SEPTIN9: variants seen among roughly 807,000 people sequenced by gnomAD.
SEPTIN9 encodes the protein septin 9.
SEPTIN9 carries 13 observed loss-of-function variants against 56.6 expected under a neutral mutation model. That is an observed-to-expected ratio of 0.23 (90% CI 0.15 to 0.37). SEPTIN9 has a LOEUF of 0.37. Among genes scored for constraint, SEPTIN9 ranks in the 10% least tolerant of loss-of-function variants. SEPTIN9 has a pLI of 1.00. For synonymous variants in SEPTIN9, 332 were observed against 334.1 expected (o/e 0.99, Z 0.07); for missense variants, 650 against 823.1 (o/e 0.79, Z 2.57).
At chr17:77,383,726 G>A (rs1008992889) in intron 2 of SEPTIN9, among the ~76,000 whole-genome samples, 4 of 152,310 alleles carry the variant, frequency 2.6e-5, no homozygotes, top group East Asian at 1.9e-4. Context: ...GGGGCTGAGC[G>A]AGGTGTCAGC....
Position 77,326,298 on chromosome 17 carries a change from C to T in SEPTIN9, c.76+19101C>T, listed in dbSNP as rs2033137853. Among the ~76,000 whole-genome samples the T allele has an allele frequency of 6.6e-6, 1 of 152,260 alleles. No individual in the cohort carries two copies. The highest frequency in any genetic ancestry group is 1.5e-5 in the Non-Finnish European group (1 of 68,042). On this transcript the variant is annotated intron_variant, in intron 2 of 11. Coordinates refer to ENST00000427177, the MANE Select transcript of SEPTIN9 (RefSeq NM_001113491.2). This position sits in a 1 kb window ranked among gnomAD's most constrained non-coding sequence, Gnocchi z 5.1. ...GACAAAGCCAGACACAGTCCTTGCC[C>T]TCATGGGACTGCACAAGTGCAAGAC...
At position 77,281,564 on chromosome 17, in the gene SEPTIN9, G is replaced by A. The variant is rs750619612; in HGVS notation, c.19+10G>A. On this transcript the variant is annotated intron_variant, in intron 1 of 11. Coordinates refer to ENST00000427177, the MANE Select transcript of SEPTIN9 (RefSeq NM_001113491.2). ...AAGAAGTCTTACTCAGGTGGGCTTC[G>A]CGCCCGGGGTGGGGAGGGGTCGGTG... is the stretch of plus-strand genomic sequence containing the variant. The A allele has an allele frequency of 3.2e-6, 5 of 1,539,882 alleles. No homozygotes were observed. Among genetic ancestry groups the A allele is most frequent in the East Asian group, 2.5e-5 (1 of 39,300 alleles).
intron 2 of SEPTIN9, chr17:77,373,216 C>T (rs2034780490): frequency 2.7e-6 from 3 of 1,099,580 alleles, no homozygotes; most frequent in Non-Finnish European, 3.3e-6. Flanking sequence ...GACAGGCGGG[C>T]GGAGCAGCCA....
intron 2 of SEPTIN9, among the ~76,000 whole-genome samples, chr17:77,363,460 T>C (rs2034482739): frequency 7.4e-6 from 1 of 134,782 alleles, no homozygotes; most frequent in Non-Finnish European, 1.5e-5. Flanking sequence ...TAATCTTGGC[T>C]CACTACCACC....
At chr17:77,291,356 T>A (rs961733334) in intron 1 of SEPTIN9, among the ~76,000 whole-genome samples, 3 of 150,280 alleles carry the variant, frequency 2.0e-5, no homozygotes, top group Middle Eastern at 3.4e-3. Flanking sequence ...TTTTAAAAAA[T>A]TTTTGTAGCA....
At chr17:77,423,119 T>G (rs1372324968) in intron 3 of SEPTIN9, among the ~76,000 whole-genome samples, 2 of 152,066 alleles carry the variant, frequency 1.3e-5, no homozygotes, top group African/African-American at 4.8e-5. Context: ...CATGGCAACC[T>G]CCACCTCCAG....
At chr17:77,418,101 G>A (rs2036567395) in intron 3 of SEPTIN9, among the ~76,000 whole-genome samples, 1 of 152,158 alleles carries the variant, frequency 6.6e-6, no homozygotes, top group Non-Finnish European at 1.5e-5. Context: ...GCACCTTACA[G>A]CCCCTTGACA....
At chr17:77,441,808 G>C (rs1284883050) in intron 3 of SEPTIN9, among the ~76,000 whole-genome samples, 2 of 152,310 alleles carry the variant, frequency 1.3e-5, no homozygotes, top group East Asian at 3.9e-4. Flanking sequence ...TACCAGACCT[G>C]ACCCTCCTTT....
intron 3 of SEPTIN9, among the ~76,000 whole-genome samples, chr17:77,424,136 T>A (rs1220657798): frequency 6.6e-6 from 1 of 152,258 alleles, no homozygotes; most frequent in African/African-American, 2.4e-5. Context: ...CTCCAGGCGC[T>A]GGGCTCGAAG....
chr17:77,448,333 G>A (rs767718157), intron 3 of SEPTIN9, among the ~76,000 whole-genome samples: 7 of 152,160 alleles, frequency 4.6e-5, no homozygotes, highest in Middle Eastern at 3.4e-3. Flanking sequence ...AGTAGCCGCC[G>A]GACATGGTGG....
chr17:77,488,001 G>A (rs768622775), intron 5 of SEPTIN9, among the ~76,000 whole-genome samples: 4 of 152,222 alleles, frequency 2.6e-5, no homozygotes, highest in South Asian at 2.1e-4. Context: ...TGTGGGCCCC[G>A]TCACACTGAG....
chr17:77,366,144 C>T (rs917838179), intron 2 of SEPTIN9, among the ~76,000 whole-genome samples: 5 of 152,062 alleles, frequency 3.3e-5, no homozygotes, highest in African/African-American at 9.7e-5. Flanking sequence ...GAGGCTGGGT[C>T]GGTGCCAGGC....
intron 2 of SEPTIN9, among the ~76,000 whole-genome samples, chr17:77,339,602 C>T (rs1197766498): frequency 8.6e-5 from 13 of 151,856 alleles, no homozygotes; most frequent in African/African-American, 2.2e-4. Context: ...CTCTGCCTCC[C>T]GGGTTCAAGT....
intron 3 of SEPTIN9, among the ~76,000 whole-genome samples, chr17:77,460,879 T>C (rs967382165): frequency 1.3e-5 from 2 of 152,216 alleles, no homozygotes; most frequent in African/African-American, 4.8e-5. Context: ...CCCTTCCGGC[T>C]TCTGACTGGC....
chr17:77,448,342 G>A (rs1461181722), intron 3 of SEPTIN9, among the ~76,000 whole-genome samples: 1 of 152,160 alleles, frequency 6.6e-6, no homozygotes, highest in Non-Finnish European at 1.5e-5. Flanking sequence ...CGGACATGGT[G>A]GTGTACGCCT....
At position 77,335,564 on chromosome 17, in the gene SEPTIN9, G is replaced by A. The variant is rs552049723; in HGVS notation, c.76+28367G>A. On this transcript the variant is annotated intron_variant, in intron 2 of 11. Transcript: ENST00000427177. Reference sequence around the variant, plus strand: ...TATACATGTAGGCCCTATGTTGACTGTATATGTAGTCCTATATTAGTATAT... The same window carrying A: ...TATACATGTAGGCCCTATGTTGACTATATATGTAGTCCTATATTAGTATAT... Among the ~76,000 whole-genome samples, 16 of 150,416 alleles carry A rather than the reference G, an allele frequency of 1.1e-4. No homozygotes were observed. The East Asian group carries it at 2.7e-3, about 26-fold the overall frequency.
At chr17:77,473,287 G>T (rs1226318976) in intron 3 of SEPTIN9, among the ~76,000 whole-genome samples, 1 of 152,218 alleles carries the variant, frequency 6.6e-6, no homozygotes, top group Non-Finnish European at 1.5e-5. Flanking sequence ...CCAGAACTTT[G>T]TGTGTGTGGT....
chr17:77,451,493 GGCGCGTCCAGCGCAGCCCGACGTTCC>G lies in SEPTIN9; in HGVS notation c.722-30648_722-30623del. The G allele has an allele frequency of 1.0e-6, 1 of 985,760 alleles. No homozygotes were observed. The highest frequency in any genetic ancestry group is 1.2e-6 in the Non-Finnish European group (1 of 830,226). The allele number at this position is 985,760 out of a possible 1,614,324, so 61.1% of individuals were successfully genotyped here. ...ACCCGGTGGGCGGGCCGCGGCTCTC[GGCGCGTCCAGCGCAGCCCGACGTTCC>G]GCTGCTGGGGTGAGTCCTGCTCCTT... On this transcript the variant is annotated intron_variant, in intron 3 of 11. Coordinates refer to ENST00000427177, the MANE Select transcript of SEPTIN9 (RefSeq NM_001113491.2). The surrounding 1 kb of genome is among the most constrained non-coding windows in gnomAD (Gnocchi z 4.2).
Position 77,500,049 on chromosome 17 carries a change from TC to T in SEPTIN9, c.*1393del. The T allele has an allele frequency of 4.3e-6, 1 of 234,852 alleles. No individual in the cohort carries two copies. Among genetic ancestry groups the T allele is most frequent in the East Asian group, 6.0e-5 (1 of 16,532 alleles). 14.5% of individuals were successfully genotyped at this position (234,852 alleles called of 1,614,324 possible). On this transcript the variant is annotated 3_prime_UTR_variant, in exon 12 of 12. Transcript: ENST00000427177. ...TCCTGCTTCCTGTTACCTGTCTTGC[TC>T]CTGGGGAGAAAGAGGGGCCTGATGA...
Sources: gnomAD v4.1 joint callset for allele counts (sites outside exome capture counted in the v4.1 genomes callset) on GRCh38, gnomAD v4.1.1 for gene constraint, Gnocchi (gnomAD v3.1) non-coding constraint, MANE v1.5 for transcripts, NCBI Gene and HGNC (gene_info 2026-07-23, HGNC 2026-07-21) for gene names.